The following SSBP3 variants were observed in gnomAD, a reference collection of about 807,000 sequenced individuals.
SSBP3 encodes single stranded DNA binding protein 3, also known as single-stranded DNA-binding protein 3.
In SSBP3, 5 loss-of-function variants were observed where a neutral mutation model predicts 69.6. The ratio of observed to expected loss-of-function variants is 0.07; its 90% confidence interval spans 0.04 to 0.15. The LOEUF is 0.15. SSBP3 is among the 10% of genes least tolerant of loss of function. The probability of loss-of-function intolerance (pLI) is 1.00; values close to 1 mark genes in which losing one functional copy is unlikely to be tolerated. For synonymous variants in SSBP3, 196 were observed against 193.4 expected (o/e 1.01, Z -0.11); for missense variants, 312 against 534.0 (o/e 0.58, Z 4.10).
chr1:54,375,353 T>TGCA (rs10645370), intron 4 of SSBP3, among the ~76,000 whole-genome samples: 69,400 of 151,648 alleles, frequency 0.46, 16,718 homozygotes, highest in African/African-American at 0.6. Context: ...CATGCATGCA[T>TGCA]GCATGCATTC....
chr1:54,334,079 C>T (rs1220466088), intron 4 of SSBP3, among the ~76,000 whole-genome samples: 2 of 151,334 alleles, frequency 1.3e-5, no homozygotes, highest in African/African-American at 4.9e-5. Context: ...ATAGGCCTGG[C>T]GTGGTGGCTT....
rs532746743 is a variant in SSBP3 at position 54,369,542 on chromosome 1, C to T, written c.276+32319G>A. On this transcript the variant is annotated intron_variant, in intron 4 of 17. Coordinates refer to ENST00000610401, the Ensembl canonical transcript of SSBP3. ...CCACTAGTTAGGTGACCGTGGCAGA[C>T]GGTTTCTGTGTCTCCACGTGAAGGA... is the stretch of plus-strand genomic sequence containing the variant. Among the ~76,000 whole-genome samples the T allele has an allele frequency of 1.1e-4, 16 of 152,280 alleles. No individual in the cohort carries two copies. In the East Asian group the frequency reaches 2.7e-3, roughly 26 times the overall value.
intron 4 of SSBP3, among the ~76,000 whole-genome samples, chr1:54,288,587 G>T (rs702494): frequency 0.11 from 1,457 of 13,762 alleles, 19 homozygotes; most frequent in African/African-American, 0.41. Context: ...CAGCAGGGGT[G>T]GGGGGGGGGA....
At chr1:54,360,694 T>A (rs1283844846) in intron 4 of SSBP3, among the ~76,000 whole-genome samples, 1 of 152,156 alleles carries the variant, frequency 6.6e-6, no homozygotes. Context: ...TTAGGACACA[T>A]GAACTTGGGG....
In SSBP3 at chr1:54,244,106, A is replaced by AT. The variant is rs547064575; in HGVS notation, c.652-808dup. ...CACCATGCCCAACTAATTTTCGATG[A>AT]TTTTTTTTTTTTTGGAGATGAAGTC... On this transcript the variant is annotated intron_variant, in intron 9 of 17. Coordinates refer to ENST00000610401, the Ensembl canonical transcript of SSBP3. 3.4e-3 allele frequency among the ~76,000 whole-genome samples: 490 copies of AT among 143,164 alleles called. 1 individual carries two copies. Among genetic ancestry groups the AT allele is most frequent in the African/African-American group, 9.2e-3 (358 of 39,064 alleles). The allele number at this position is 143,164 out of a possible 152,430, so 93.9% of individuals were successfully genotyped here.
chr1:54,257,118 G>A lies in SSBP3; in HGVS notation c.507+9C>T. On this transcript the variant is annotated intron_variant, in intron 7 of 17. Coordinates refer to ENST00000610401, the Ensembl canonical transcript of SSBP3. ...GGGAGGGGAGAGAGAACATGAAAAG[G>A]TACAGTACCTGGTTTCCCATTCTGA... is the stretch of plus-strand genomic sequence containing the variant. The A allele has an allele frequency of 1.2e-6, 2 of 1,601,250 alleles. No homozygotes were observed. Among genetic ancestry groups the A allele is most frequent in the Non-Finnish European group, 1.7e-6 (2 of 1,175,412 alleles).
chr1:54,261,008 C>T (rs1645008728), intron 5 of SSBP3, among the ~76,000 whole-genome samples: 1 of 152,248 alleles, frequency 6.6e-6, no homozygotes, highest in African/African-American at 2.4e-5. Flanking sequence ...GGCACAGAGC[C>T]AGACGCCTGC....
intron 4 of SSBP3, among the ~76,000 whole-genome samples, chr1:54,396,210 AAAAAAAAAAC>A (rs1448632282): frequency 5.3e-5 from 8 of 149,730 alleles, no homozygotes; most frequent in African/African-American, 1.2e-4. Flanking sequence ...AAAAAAAAAA[AAAAAAAAAAC>A]AACCCCATTA....
chr1:54,406,903 T>G (rs1649822409), upstream of SSBP3, among the ~76,000 whole-genome samples: 1 of 150,282 alleles, frequency 6.7e-6, no homozygotes, highest in Non-Finnish European at 1.5e-5. Flanking sequence ...CTCTTGGTTG[T>G]CCTCCCCCTA....
chr1:54,412,550 G>A (rs1225946019), intron 1 of SSBP3, among the ~76,000 whole-genome samples: 2 of 152,066 alleles, frequency 1.3e-5, no homozygotes, highest in African/African-American at 2.4e-5. Flanking sequence ...AGGAGGGAGT[G>A]GGGAGTTAGC....
At chr1:54,279,308 C>T (rs1645348788) in intron 5 of SSBP3, among the ~76,000 whole-genome samples, 1 of 152,176 alleles carries the variant, frequency 6.6e-6, no homozygotes, top group African/African-American at 2.4e-5. Flanking sequence ...TCAGTCTTGG[C>T]TTTCTGACCA....
At chr1:54,399,845 C>T (rs1649167889) in intron 4 of SSBP3, among the ~76,000 whole-genome samples, 1 of 152,116 alleles carries the variant, frequency 6.6e-6, no homozygotes, top group Admixed American at 6.5e-5. Context: ...CTGCTGTCAC[C>T]CCTCCAACTC....
intron 4 of SSBP3, among the ~76,000 whole-genome samples, chr1:54,334,130 G>A (rs1646468005): frequency 6.6e-6 from 1 of 152,048 alleles, no homozygotes; most frequent in South Asian, 2.1e-4. Context: ...GAGGCGGGCG[G>A]ATCACGAGGT....
intron 14 of SSBP3, among the ~76,000 whole-genome samples, chr1:54,233,851 C>T (rs547748415): frequency 7.1e-4 from 108 of 152,354 alleles, no homozygotes; most frequent in African/African-American, 2.5e-3. Flanking sequence ...GGGAGGTGTG[C>T]CCAACAGCTC....
intron 4 of SSBP3, among the ~76,000 whole-genome samples, chr1:54,370,837 C>G (rs1357730662): frequency 6.6e-6 from 1 of 152,050 alleles, no homozygotes; most frequent in African/African-American, 2.4e-5. Context: ...GTGGTGGCAG[C>G]CCTCAGCATG....
chr1:54,397,896 C>T (rs1649007507), intron 4 of SSBP3, among the ~76,000 whole-genome samples: 1 of 152,188 alleles, frequency 6.6e-6, no homozygotes, highest in African/African-American at 2.4e-5. Context: ...GTTCAGGTCT[C>T]GCCTCTGCCA....
intron 4 of SSBP3, among the ~76,000 whole-genome samples, chr1:54,385,783 G>T (rs765628245): frequency 6.6e-6 from 1 of 152,118 alleles, no homozygotes; most frequent in Non-Finnish European, 1.5e-5. Flanking sequence ...CCATTTTACA[G>T]ATAAGGACAC....
upstream of SSBP3, among the ~76,000 whole-genome samples, chr1:54,410,421 C>T (rs1447278152): frequency 6.6e-6 from 1 of 152,208 alleles, no homozygotes; most frequent in African/African-American, 2.4e-5. Flanking sequence ...ACCTTGTTCC[C>T]TTTCCCTGGT....
chr1:54,368,461 T>C (rs556806984), intron 4 of SSBP3, among the ~76,000 whole-genome samples: 9 of 150,026 alleles, frequency 6.0e-5, no homozygotes, highest in Middle Eastern at 6.8e-3. Flanking sequence ...ACTGGACCCA[T>C]AGTTCCCCAC....
Sources: allele counts gnomAD v4.1 joint callset (sites outside exome capture counted in the v4.1 genomes callset), GRCh38; gene constraint gnomAD v4.1.1; transcripts MANE v1.5; gene names NCBI Gene and HGNC (gene_info 2026-07-23, HGNC 2026-07-21).